RBFOX1: variants seen among roughly 807,000 people sequenced by gnomAD.
RBFOX1 encodes the protein RNA binding fox-1 homolog 1.
RBFOX1 carries 8 observed loss-of-function variants against 57.7 expected under a neutral mutation model. The observed-to-expected ratio is 0.14, with a 90% CI of 0.08 to 0.25. RBFOX1 has a LOEUF of 0.25. Among genes scored for constraint, RBFOX1 ranks in the 10% least tolerant of loss-of-function variants. RBFOX1 has a pLI of 1.00. For synonymous variants in RBFOX1, 326 were observed against 222.4 expected, an observed-to-expected ratio of 1.47 and a Z score of -4.15; for missense variants, 611 against 548.5, an observed-to-expected ratio of 1.11 and a Z score of -1.14.
chr16:7,257,806 G>A (rs1476510579), intron 4 of RBFOX1, among the ~76,000 whole-genome samples: 1 of 152,184 alleles, frequency 6.6e-6, no homozygotes, highest in Admixed American at 6.5e-5. Context: ...AGCTATCATC[G>A]TTGATAGCAA....
intron 3 of RBFOX1, among the ~76,000 whole-genome samples, chr16:5,608,553 A>T (rs1046398176): frequency 7.2e-5 from 11 of 152,224 alleles, no homozygotes; most frequent in African/African-American, 1.2e-4. Flanking sequence ...CAGAGTTGAT[A>T]AATCAAATTG....
intron 1 of RBFOX1, among the ~76,000 whole-genome samples, chr16:6,296,008 T>C (rs1266292653): frequency 6.6e-6 from 1 of 152,194 alleles, no homozygotes; most frequent in African/African-American, 2.4e-5. Flanking sequence ...GCTTAGGAGA[T>C]AATCATCAAA....
chr16:6,997,157 T>A (rs140513251), intron 3 of RBFOX1, among the ~76,000 whole-genome samples: 1 of 152,292 alleles, frequency 6.6e-6, no homozygotes, highest in Non-Finnish European at 1.5e-5. Context: ...TTCTGTTAGC[T>A]GAAATTAAAT....
At chr16:6,459,782 G>T (rs1036012295) in intron 2 of RBFOX1, among the ~76,000 whole-genome samples, 5 of 151,678 alleles carry the variant, frequency 3.3e-5, no homozygotes, top group African/African-American at 1.2e-4. Context: ...TTTGAGACCA[G>T]CCTGGCCAAC....
chr16:6,869,653 A>T (rs1027946973), intron 3 of RBFOX1, among the ~76,000 whole-genome samples: 1 of 152,220 alleles, frequency 6.6e-6, no homozygotes, highest in African/African-American at 2.4e-5. Flanking sequence ...TGTTAGAACT[A>T]GGATTTTTAC....
At chr16:5,936,871 T>C (rs1283060001) in intron 4 of RBFOX1, among the ~76,000 whole-genome samples, 1 of 152,170 alleles carries the variant, frequency 6.6e-6, no homozygotes, top group African/African-American at 2.4e-5. Flanking sequence ...ATCAAAGATC[T>C]CACAGAGGGC....
chr16:6,929,704 G>T (rs1027741866), intron 3 of RBFOX1, among the ~76,000 whole-genome samples: 1 of 145,972 alleles, frequency 6.9e-6, no homozygotes, highest in African/African-American at 2.6e-5. Context: ...TTACTACGGG[G>T]TTATTTTTTT....
chr16:7,414,609 A>C (rs1055777150), intron 4 of RBFOX1, among the ~76,000 whole-genome samples: 1 of 152,002 alleles, frequency 6.6e-6, no homozygotes, highest in African/African-American at 2.4e-5. Context: ...TATTGTTTTT[A>C]TTTTATTTTA....
chr16:6,215,386 G>A (rs2097329542), intron 1 of RBFOX1, among the ~76,000 whole-genome samples: 2 of 146,086 alleles, frequency 1.4e-5, no homozygotes, highest in African/African-American at 5.1e-5. Flanking sequence ...GAGAGCAGGA[G>A]AGACAGAAGA....
chr16:5,339,083 C>A (rs182279811), intron 1 of RBFOX1, among the ~76,000 whole-genome samples: 6 of 151,960 alleles, frequency 3.9e-5, no homozygotes, highest in Non-Finnish European at 2.9e-5. Context: ...ACAGTTACCA[C>A]GATGTACAGT....
chr16:7,217,420 C>T (rs939493944), intron 4 of RBFOX1, among the ~76,000 whole-genome samples: 1 of 151,104 alleles, frequency 6.6e-6, no homozygotes, highest in African/African-American at 2.4e-5. Context: ...TGAACCACCA[C>T]GTCCAGCCAG....
intron 2 of RBFOX1, among the ~76,000 whole-genome samples, chr16:6,436,591 G>A (rs2094242708): frequency 6.7e-6 from 1 of 150,332 alleles, no homozygotes; most frequent in Admixed American, 6.6e-5. Context: ...TTTCTGGGGG[G>A]AAAAATTACC....
At chr16:7,590,911 G>C (rs543984160) in intron 7 of RBFOX1, among the ~76,000 whole-genome samples, 67 of 148,748 alleles carry the variant, frequency 4.5e-4, no homozygotes, top group Non-Finnish European at 8.6e-4. Context: ...TGATTCAGTA[G>C]ATATCAGTAA....
At chr16:6,087,191 G>A (rs568910766) in intron 1 of RBFOX1, among the ~76,000 whole-genome samples, 4 of 152,294 alleles carry the variant, frequency 2.6e-5, no homozygotes, top group African/African-American at 4.8e-5. Context: ...ACGTTAGAAC[G>A]CCTGCCAGGT....
At position 5,929,537 on chromosome 16, in the gene RBFOX1, C is replaced by G. The variant is rs1427976418; in HGVS notation, c.351+62202C>G. On this transcript the variant is annotated intron_variant, in intron 4 of 19. Transcript: ENST00000641259. ...AGGACATAATCTATTTAAATTACCT[C>G]TTACTATACTGCAAGACAAAGGTTC... Among the ~76,000 whole-genome samples the G allele has an allele frequency of 2.0e-5, 3 of 152,240 alleles. No homozygotes were observed. The East Asian group carries it at 5.8e-4, about 29-fold the overall frequency.
At chr16:6,531,368 C>T (rs1453104517) in intron 2 of RBFOX1, among the ~76,000 whole-genome samples, 1 of 152,160 alleles carries the variant, frequency 6.6e-6, no homozygotes, top group Non-Finnish European at 1.5e-5. Context: ...AGCTGAGGAG[C>T]AGGTACCAGA....
chr16:6,239,544 G>A (rs2097529032), intron 1 of RBFOX1, among the ~76,000 whole-genome samples: 1 of 124,228 alleles, frequency 8.0e-6, no homozygotes, highest in African/African-American at 3.0e-5. Context: ...TTTCACCCAG[G>A]CTGGAGTGCA....
At chr16:6,381,519 A>T (rs1050250764) in intron 2 of RBFOX1, among the ~76,000 whole-genome samples, 3 of 152,220 alleles carry the variant, frequency 2.0e-5, no homozygotes, top group African/African-American at 2.4e-5. Context: ...AGTTTGTGTG[A>T]CCATGCTAAC....
chr16:7,408,355 A>C (rs1327854848), intron 4 of RBFOX1, among the ~76,000 whole-genome samples: 1 of 152,206 alleles, frequency 6.6e-6, no homozygotes, highest in East Asian at 1.9e-4. Context: ...TTCATTTTGA[A>C]ATTTTAAAAA....
Sources: allele counts gnomAD v4.1 joint callset (sites outside exome capture counted in the v4.1 genomes callset), GRCh38; gene constraint gnomAD v4.1.1; transcripts MANE v1.5; gene names NCBI Gene and HGNC (gene_info 2026-07-23, HGNC 2026-07-21).